Variants in STK32B observed in about 807,000 individuals in gnomAD.
The protein encoded by STK32B is serine/threonine-protein kinase 32B.
STK32B carries 43 observed loss-of-function variants against 52.6 expected under a neutral mutation model. That is an observed-to-expected ratio of 0.82 (90% CI 0.64 to 1.05). The LOEUF is 1.05. Ranked by LOEUF, STK32B falls within the 50% of genes least tolerant of loss-of-function variation. The pLI, the probability that STK32B is intolerant of heterozygous loss-of-function variation, is 0.00. For missense variants in STK32B, 621 were observed against 534.6 expected (o/e 1.16, Z -1.59); for synonymous variants, 238 against 204.3 (o/e 1.17, Z -1.41).
At chr4:5,217,466 C>G (rs1450282578) in intron 3 of STK32B, among the ~76,000 whole-genome samples, 1 of 152,152 alleles carries the variant, frequency 6.6e-6, no homozygotes, top group African/African-American at 2.4e-5. Flanking sequence ...TGCCAGTCCC[C>G]TTTTAGCTCA....
chr4:5,331,089 G>A lies in STK32B; in HGVS notation c.261-131G>A. The A allele has an allele frequency of 7.5e-6, 6 of 802,228 alleles. 1 individual carries two copies. The South Asian group carries it at 8.2e-5, about 11-fold the overall frequency. The allele number at this position is 802,228 out of a possible 1,614,324, so 49.7% of individuals were successfully genotyped here. A position where few individuals can be genotyped will look rare whatever the true frequency, so the allele number is the denominator to read the frequency against. ...TTTCCCCTTCCCCTCCACTCCCATAGCACCATGACTCAGGCAACTCAGTGC... is the reference window on the plus strand; with the variant it reads ...TTTCCCCTTCCCCTCCACTCCCATAACACCATGACTCAGGCAACTCAGTGC... On this transcript the variant is annotated intron_variant, in intron 3 of 11. Coordinates refer to ENST00000282908, the MANE Select transcript of STK32B (RefSeq NM_018401.3).
intron 3 of STK32B, among the ~76,000 whole-genome samples, chr4:5,221,673 T>A (rs370344589): frequency 6.6e-6 from 1 of 151,986 alleles, no homozygotes; most frequent in African/African-American, 2.4e-5. Context: ...CTAGCCAACA[T>A]AGTGAAACGC....
chr4:5,291,125 T>G (rs549244213), intron 3 of STK32B, among the ~76,000 whole-genome samples: 37 of 152,242 alleles, frequency 2.4e-4, no homozygotes, highest in Non-Finnish European at 4.4e-4. Flanking sequence ...TTTTGTCATT[T>G]TTTGAAGGAT....
intron 1 of STK32B, among the ~76,000 whole-genome samples, chr4:5,097,889 G>T (rs982737258): frequency 6.6e-6 from 1 of 152,228 alleles, no homozygotes. Flanking sequence ...CAGCTGGGGA[G>T]TTATGCTAAC....
intron 6 of STK32B, among the ~76,000 whole-genome samples, chr4:5,421,134 G>T (rs1316158491): frequency 6.8e-6 from 1 of 147,392 alleles, no homozygotes; most frequent in Non-Finnish European, 1.5e-5. Context: ...CTGTTGCCCA[G>T]CCTGGAGTGC....
chr4:5,203,668 A>G (rs757601109), intron 3 of STK32B, among the ~76,000 whole-genome samples: 2 of 152,220 alleles, frequency 1.3e-5, no homozygotes, highest in African/African-American at 2.4e-5. Flanking sequence ...GTACTCAATC[A>G]TTATTCACTG....
rs1736897298 is a variant in STK32B at position 5,396,044 on chromosome 4, T to A, written c.435-2163T>A. Among the ~76,000 whole-genome samples, 1 of 152,246 alleles carries A rather than the reference T, an allele frequency of 6.6e-6. No individual in the cohort carries two copies. The highest frequency in any genetic ancestry group is 2.4e-5 in the African/African-American group (1 of 41,476). On this transcript the variant is annotated intron_variant, in intron 4 of 11. Transcript: ENST00000282908. This position sits in a 1 kb window ranked among gnomAD's most constrained non-coding sequence, Gnocchi z 4.7. ...CTGCCCTTTGAGGTTTGCCCTCAAC[T>A]CTATCAGCTCTCCTTCCACCGTGCC...
At chr4:5,163,757 T>C (rs1233900539) in intron 2 of STK32B, among the ~76,000 whole-genome samples, 1 of 152,178 alleles carries the variant, frequency 6.6e-6, no homozygotes, top group Non-Finnish European at 1.5e-5. Context: ...GGGTAGCCAG[T>C]TTGGAAGCTA....
intron 3 of STK32B, among the ~76,000 whole-genome samples, chr4:5,171,794 C>G (rs1209234728): frequency 4.7e-5 from 7 of 149,648 alleles, no homozygotes; most frequent in Non-Finnish European, 9.0e-5. Flanking sequence ...AATGTGGGCT[C>G]TGTTTTGGTT....
intron 1 of STK32B, among the ~76,000 whole-genome samples, chr4:5,102,940 T>TC (rs1212169730): frequency 9.7e-6 from 1 of 102,726 alleles, no homozygotes; most frequent in Non-Finnish European, 1.9e-5. Flanking sequence ...CCCTCCCCCC[T>TC]CCCCCTCCTC....
At chr4:5,114,106 A>G (rs925535171) in intron 1 of STK32B, among the ~76,000 whole-genome samples, 2 of 151,950 alleles carry the variant, frequency 1.3e-5, no homozygotes, top group African/African-American at 2.4e-5. Flanking sequence ...CAGCCAAACC[A>G]TATCACTACC....
chr4:5,420,790 T>G (rs1712564182), intron 6 of STK32B, among the ~76,000 whole-genome samples: 1 of 152,224 alleles, frequency 6.6e-6, no homozygotes, highest in Non-Finnish European at 1.5e-5. Context: ...TCCTCTGTAT[T>G]CCTACCGATT....
At chr4:5,184,695 A>AAGAAGAAGAAG (rs1553846539) in intron 3 of STK32B, among the ~76,000 whole-genome samples, 10 of 137,560 alleles carry the variant, frequency 7.3e-5, no homozygotes, top group African/African-American at 2.7e-4. Flanking sequence ...AAAAAAAAAA[A>AAGAAGAAGAAG]AAGAAGAAGA....
chr4:5,129,764 C>T (rs1483580204), intron 1 of STK32B, among the ~76,000 whole-genome samples: 2 of 152,176 alleles, frequency 1.3e-5, no homozygotes, highest in Non-Finnish European at 2.9e-5. Context: ...TGGTGAGATA[C>T]TTCCTGAAGA....
chr4:5,219,305 G>A lies in STK32B; in HGVS notation c.260+50855G>A, dbSNP rs116229149. 5.3e-5 allele frequency among the ~76,000 whole-genome samples: 8 copies of A among 152,358 alleles called. No individual in the cohort carries two copies. The East Asian group carries it at 1.5e-3, about 29-fold the overall frequency. On this transcript the variant is annotated intron_variant, in intron 3 of 11. Transcript: ENST00000282908. Reference sequence around the variant, plus strand: ...GGAAAGGACTGGGCATCCCTTTGGTGTGTGGAATTGGGACCTTCCAACTCC... The same window carrying A: ...GGAAAGGACTGGGCATCCCTTTGGTATGTGGAATTGGGACCTTCCAACTCC...
chr4:5,173,796 G>A (rs1176748293), intron 3 of STK32B, among the ~76,000 whole-genome samples: 3 of 152,250 alleles, frequency 2.0e-5, no homozygotes, highest in Non-Finnish European at 4.4e-5. Context: ...TTGGGGTGGA[G>A]AGTTCTGTAG....
intron 5 of STK32B, among the ~76,000 whole-genome samples, chr4:5,404,732 A>C (rs1737541940): frequency 6.6e-6 from 1 of 151,796 alleles, no homozygotes; most frequent in Non-Finnish European, 1.5e-5. Flanking sequence ...TAATGACCTC[A>C]TCATCTGTGA....
At chr4:5,278,047 T>G (rs768526939) in intron 3 of STK32B, among the ~76,000 whole-genome samples, 47 of 152,190 alleles carry the variant, frequency 3.1e-4, no homozygotes, top group Non-Finnish European at 6.0e-4. Flanking sequence ...AGCCACACTT[T>G]GTTGTACTTA....
chr4:5,446,743 G>A lies in STK32B; in HGVS notation c.633G>A (p.Leu211=), dbSNP rs1167652235. The A allele has an allele frequency of 1.2e-6, 2 of 1,614,024 alleles. No individual in the cohort carries two copies. The highest frequency in any genetic ancestry group is 2.2e-5 in the South Asian group (2 of 91,072). ...GYSYPVDWWS[L]GITAYELLRG... ...CGTACCCTGTCGACTGGTGGTCCCT[G>A]GGCATCACAGCCTATGAGCTGCTGC... is the stretch of plus-strand genomic sequence containing the variant. The change falls in exon 7 of 12, where the codon CTG becomes CTA. Residue 211 remains leucine (L), a synonymous_variant. Transcript: ENST00000282908.
Sources: gnomAD v4.1 joint callset for allele counts (sites outside exome capture counted in the v4.1 genomes callset) on GRCh38, gnomAD v4.1.1 for gene constraint, Gnocchi (gnomAD v3.1) non-coding constraint, MANE v1.5 for transcripts, NCBI Gene and HGNC (gene_info 2026-07-23, HGNC 2026-07-21) for gene names.